SLC14A2: variants seen among roughly 807,000 people sequenced by gnomAD.
SLC14A2 encodes the protein solute carrier family 14 member 2, also known as urea transporter 2.
In SLC14A2, 91 loss-of-function variants were observed where a neutral mutation model predicts 104.6. That is an observed-to-expected ratio of 0.87 (90% CI 0.73 to 1.04). The LOEUF (loss-of-function observed/expected upper bound fraction) is 1.04, where lower values mean the gene tolerates loss of function less well. SLC14A2 is among the 50% of genes least tolerant of loss of function. The pLI, the probability that SLC14A2 is intolerant of heterozygous loss-of-function variation, is 0.00. For synonymous variants in SLC14A2, 476 were observed against 466.4 expected (o/e 1.02, Z -0.27); for missense variants, 1,189 against 1,156.0 (o/e 1.03, Z -0.41).
Position 45,652,576 on chromosome 18 carries a change from G to A in SLC14A2, c.1351+8416G>A, listed in dbSNP as rs140038787. ...TCTGACCTTCCCAAGTTTAGCTCCT[G>A]GTGGTCAATGCAGGCCTCCTCCCTC... is the stretch of plus-strand genomic sequence containing the variant. On this transcript the variant is annotated intron_variant, in intron 10 of 19. Transcript: ENST00000255226. 8.0e-4 allele frequency among the ~76,000 whole-genome samples: 122 copies of A among 152,266 alleles called. 1 individual carries two copies. Among genetic ancestry groups the A allele is most frequent in the African/African-American group, 2.8e-3 (118 of 41,548 alleles).
intron 1 of SLC14A2, among the ~76,000 whole-genome samples, chr18:45,250,301 C>A (rs1471325461): frequency 6.6e-6 from 1 of 152,194 alleles, no homozygotes; most frequent in Admixed American, 6.5e-5. Context: ...TACAAACACA[C>A]ACGCATGCAC....
At chr18:45,176,198 C>A in the SLC14A2 span, among the ~76,000 whole-genome samples, 1 of 152,152 alleles carries the variant, frequency 6.6e-6, no homozygotes, top group Non-Finnish European at 1.5e-5. Context: ...CACCAGGCAT[C>A]AGCAGGAATA....
intron 1 of SLC14A2, among the ~76,000 whole-genome samples, chr18:45,446,274 T>C (rs1033420531): frequency 4.1e-5 from 6 of 147,164 alleles, no homozygotes; most frequent in Non-Finnish European, 8.9e-5. Context: ...TAACCCCATA[T>C]ATGATGGGTT....
intron 1 of SLC14A2, among the ~76,000 whole-genome samples, chr18:45,325,537 G>T (rs1458275062): frequency 6.6e-6 from 1 of 152,178 alleles, no homozygotes; most frequent in Non-Finnish European, 1.5e-5. Flanking sequence ...ATCTAAGAGG[G>T]TTTGGTTAAT....
At chr18:45,505,446 C>G (rs968597429) in intron 2 of SLC14A2, among the ~76,000 whole-genome samples, 4 of 152,184 alleles carry the variant, frequency 2.6e-5, no homozygotes, top group African/African-American at 9.6e-5. Context: ...GAGGAGCCCA[C>G]AGGGTAATAT....
At chr18:45,541,462 T>A (rs1439952845) in intron 2 of SLC14A2, among the ~76,000 whole-genome samples, 8 of 152,350 alleles carry the variant, frequency 5.3e-5, no homozygotes, top group Non-Finnish European at 1.2e-4. Flanking sequence ...AGACGTCAGC[T>A]TTGCTGCTCA....
At chr18:45,170,941 T>A in the SLC14A2 span, among the ~76,000 whole-genome samples, 18,983 of 152,126 alleles carry the variant, frequency 0.12, 1,459 homozygotes, top group Middle Eastern at 0.21. Context: ...CCCAGTTGTG[T>A]CTCTCACAGA....
chr18:45,340,940 C>T (rs574681982), intron 1 of SLC14A2, among the ~76,000 whole-genome samples: 11 of 152,260 alleles, frequency 7.2e-5, no homozygotes, highest in Middle Eastern at 3.4e-3. Context: ...GATTAGACCA[C>T]AGGTTGGCCA....
At chr18:45,267,402 A>G (rs980930980) in intron 1 of SLC14A2, among the ~76,000 whole-genome samples, 2 of 152,174 alleles carry the variant, frequency 1.3e-5, no homozygotes, top group Non-Finnish European at 2.9e-5. Flanking sequence ...TGGCCCCAGC[A>G]TCATGATGAT....
chr18:45,556,823 C>T (rs1156833997), intron 2 of SLC14A2, among the ~76,000 whole-genome samples: 1 of 152,230 alleles, frequency 6.6e-6, no homozygotes, highest in African/African-American at 2.4e-5. Context: ...CAATATGGAG[C>T]TCCCATAGGG....
intron 1 of SLC14A2, among the ~76,000 whole-genome samples, chr18:45,379,048 G>T (rs1032797112): frequency 2.6e-5 from 4 of 152,140 alleles, no homozygotes; most frequent in Admixed American, 2.6e-4. Context: ...GTTAATCCTC[G>T]AATTCTCTGC....
Position 45,363,460 on chromosome 18 carries a change from T to G in SLC14A2, c.-124-119773T>G, listed in dbSNP as rs561136480. Among the ~76,000 whole-genome samples, 10 of 151,996 alleles carry G rather than the reference T, an allele frequency of 6.6e-5. No individual in the cohort carries two copies. In the East Asian group the frequency reaches 1.7e-3, roughly 26 times the overall value. ...CTTGGCAGCCTGGCCCCGAGAAACT[T>G]GGAGACAATGCCACTGGGGGATCTA... is the stretch of plus-strand genomic sequence containing the variant. On this transcript the variant is annotated intron_variant, in intron 1 of 20. Transcript: ENST00000586448.
chr18:45,460,187 A>G (rs2087018589), intron 1 of SLC14A2, among the ~76,000 whole-genome samples: 1 of 152,190 alleles, frequency 6.6e-6, no homozygotes, highest in Non-Finnish European at 1.5e-5. Flanking sequence ...GCCTTCACCC[A>G]ATGATGGCTC....
chr18:45,535,995 A>G (rs1005138223), intron 2 of SLC14A2, among the ~76,000 whole-genome samples: 4 of 152,242 alleles, frequency 2.6e-5, no homozygotes, highest in Non-Finnish European at 4.4e-5. Context: ...TCTTAAGCCA[A>G]TAGGATGCAC....
rs991274983 is a variant in SLC14A2 at position 45,321,404 on chromosome 18, G to A, written c.-125+108213G>A. ...CTAGGAACAGAACTATACTTGTGAC[G>A]TCTTGATTTTTTATTCTTCACCCAT... On this transcript the variant is annotated intron_variant, in intron 1 of 20. Transcript: ENST00000586448. Among the ~76,000 whole-genome samples, 22 of 152,310 alleles carry A rather than the reference G, an allele frequency of 1.4e-4. No individual in the cohort carries two copies. The East Asian group carries it at 3.1e-3, about 21-fold the overall frequency.
chr18:45,573,356 C>A (rs1338730724), intron 2 of SLC14A2, among the ~76,000 whole-genome samples: 1 of 151,818 alleles, frequency 6.6e-6, no homozygotes, highest in Non-Finnish European at 1.5e-5. Flanking sequence ...ATTCCAGCCC[C>A]ACCAGAAGAG....
At chr18:45,572,489 T>C (rs535479480) in intron 2 of SLC14A2, among the ~76,000 whole-genome samples, 1 of 152,344 alleles carries the variant, frequency 6.6e-6, no homozygotes, top group South Asian at 2.1e-4. Context: ...TTCCTGGCAA[T>C]TGATCTACTC....
intron 1 of SLC14A2, among the ~76,000 whole-genome samples, chr18:45,376,909 C>T (rs1044514544): frequency 6.6e-6 from 1 of 152,098 alleles, no homozygotes; most frequent in African/African-American, 2.4e-5. Context: ...TACTTTCTAC[C>T]CATTTCTTCC....
At chr18:45,268,674 G>A (rs1475365756) in intron 1 of SLC14A2, among the ~76,000 whole-genome samples, 1 of 152,204 alleles carries the variant, frequency 6.6e-6, no homozygotes, top group Non-Finnish European at 1.5e-5. Context: ...TTGACTCAAA[G>A]GTAGTGGACA....
Sources: allele counts gnomAD v4.1 joint callset (sites outside exome capture counted in the v4.1 genomes callset), GRCh38; gene constraint gnomAD v4.1.1; transcripts MANE v1.5; gene names NCBI Gene and HGNC (gene_info 2026-07-23, HGNC 2026-07-21).